Variants in UROC1 observed in about 807,000 individuals in gnomAD.
UROC1 encodes the protein urocanate hydratase 1.
UROC1 carries 79 observed loss-of-function variants against 89.5 expected under a neutral mutation model. The ratio of observed to expected loss-of-function variants is 0.88; its 90% CI spans 0.74 to 1.06. The LOEUF (loss-of-function observed/expected upper bound fraction) is 1.06. Among genes scored for constraint, UROC1 ranks in the 50% least tolerant of loss-of-function variants. UROC1 has a pLI of 0.00. For synonymous variants in UROC1, 361 were observed against 354.8 expected (o/e 1.02, Z -0.20); for missense variants, 885 against 907.8 (o/e 0.97, Z 0.32).
chr3:126,491,209 G>A (rs562202720), intron 16 of UROC1, among the ~76,000 whole-genome samples: 29 of 152,246 alleles, frequency 1.9e-4, no homozygotes, highest in African/African-American at 6.7e-4. Context: ...CCTGACCACC[G>A]CTCTTCGCCA....
chr3:126,492,873 C>T lies in UROC1; in HGVS notation c.1510-357G>A, dbSNP rs578152026. Among the ~76,000 whole-genome samples, 9 of 152,366 alleles carry T rather than the reference C, an allele frequency of 5.9e-5. No individual in the cohort carries two copies. The South Asian group carries it at 1.9e-3, about 32-fold the overall frequency. ...CGAGCACTGCTCCTGCTCCATCCCA[C>T]AGTGATGACATCAACGCCATCCAGG... On this transcript the variant is annotated intron_variant, in intron 15 of 19. Coordinates refer to ENST00000290868, the MANE Select transcript of UROC1 (RefSeq NM_144639.3).
Position 126,498,147 on chromosome 3 carries a change from G to A in UROC1, c.1342C>T (p.Pro448Ser), listed in dbSNP as rs748121358. Residue 448 changes from proline (P) to serine (S), a missense_variant, in exon 14 of 20, where the codon CCT becomes TCT. Physicochemically the swap from Pro to Ser is moderately conservative, Grantham distance 74 (BLOSUM62 -1). Coordinates refer to ENST00000290868, the MANE Select transcript of UROC1 (RefSeq NM_144639.3). ...CCCGATGTGCACACCCAGCGGAAAG[G>A]CCCAAATCCCTGGGAGAATATGTCC... ...MGDIFSQGFG[P>S]FRWVCTSGDP... 4.3e-6 allele frequency: 7 copies of A among 1,614,212 alleles called. No homozygotes were observed. In the South Asian group the frequency reaches 7.7e-5, roughly 18 times the overall value.
rs201264390 is a variant in UROC1, at chr3:126,508,488, C to G, written c.352-13G>C. The G allele has an allele frequency of 6.2e-7, 1 of 1,611,908 alleles. No individual in the cohort carries two copies. The highest frequency in any genetic ancestry group is 1.3e-5 in the African/African-American group (1 of 74,820). On this transcript the variant is annotated splice_polypyrimidine_tract_variant and intron_variant, in intron 3 of 19. Transcript: ENST00000290868. ...GCTCCTGGGGAAACTGAGGAAGACA[C>G]GGGGTCATCTGAGATGAGGGCCTGG...
At chr3:126,509,504 A>T in intron 3 of UROC1, 81 bp downstream of exon 3, 1 of 1,291,754 alleles carries the variant, frequency 7.7e-7, no homozygotes, top group Non-Finnish European at 1.1e-6. Flanking sequence ...TCTCAAAATT[A>T]AGAGCTTAAA....
At chr3:126,492,010 C>T (rs1935664792) in intron 16 of UROC1, among the ~76,000 whole-genome samples, 1 of 152,136 alleles carries the variant, frequency 6.6e-6, no homozygotes, top group Non-Finnish European at 1.5e-5. Flanking sequence ...CAGATTATCC[C>T]CAGAGGGGCC....
At chr3:126,506,441 C>T (rs538162360) in intron 6 of UROC1, among the ~76,000 whole-genome samples, 2 of 152,206 alleles carry the variant, frequency 1.3e-5, no homozygotes, top group African/African-American at 2.4e-5. Flanking sequence ...AAGTGAGTGG[C>T]GGAAACACCA....
intron 4 of UROC1, 39 bp from the exon 5 acceptor site, chr3:126,508,134 A>G: frequency 6.2e-7 from 1 of 1,612,868 alleles, no homozygotes; most frequent in Non-Finnish European, 8.5e-7. Context: ...TGTCAACAGA[A>G]GCAGCACCCC....
chr3:126,506,592 A>G (rs141257253), intron 6 of UROC1, among the ~76,000 whole-genome samples: 2 of 152,306 alleles, frequency 1.3e-5, no homozygotes, highest in East Asian at 3.9e-4. Flanking sequence ...AAATGCAGCA[A>G]TCTCCTAGCT....
intron 14 of UROC1, among the ~76,000 whole-genome samples, chr3:126,496,751 T>G (rs1178168612): frequency 1.3e-5 from 2 of 152,212 alleles, no homozygotes; most frequent in Non-Finnish European, 2.9e-5. Flanking sequence ...CATTAAAATT[T>G]TAAATAAGCT....
chr3:126,492,644 G>A (rs992902208), intron 15 of UROC1, 128 bp from the exon 16 acceptor site: 2 of 636,242 alleles, frequency 3.1e-6, no homozygotes, highest in East Asian at 2.9e-5. Context: ...CGCCTAACAA[G>A]GTCCAGGAGG....
rs754361807 is a variant in UROC1 at position 126,501,262 on chromosome 3, CT to C, written c.920del (p.Lys307ArgfsTer77). On this transcript the variant is annotated frameshift_variant, in exon 10 of 20. Transcript: ENST00000290868. LOFTEE classifies it high-confidence loss of function. ...CATGGTAACCAAGGCTGAGCACCTCCTTTTTTTTCCTTGCTTCCCTGGAAGG... is the reference window on the plus strand; with the variant it reads ...CATGGTAACCAAGGCTGAGCACCTCCTTTTTTTCCTTGCTTCCCTGGAAGG... ...IQRLREARKK[K>X]EVLSLGYHGN... 19 of 1,613,770 alleles carry C rather than the reference CT, an allele frequency of 1.2e-5. No individual in the cohort carries two copies. Among genetic ancestry groups the C allele is most frequent in the Non-Finnish European group, 1.4e-5 (17 of 1,179,818 alleles).
intron 15 of UROC1, among the ~76,000 whole-genome samples, chr3:126,495,289 C>CT (rs1305669322): frequency 1.3e-5 from 2 of 152,164 alleles, no homozygotes; most frequent in Admixed American, 1.3e-4. Flanking sequence ...AAAACCATTG[C>CT]CCCATCCATC....
chr3:126,489,132 C>T, intron 17 of UROC1, 144 bp downstream of exon 17: 2 of 764,564 alleles, frequency 2.6e-6, no homozygotes, highest in Non-Finnish European at 4.5e-6. Flanking sequence ...CATCCCAGAC[C>T]CCCTCAGTCC....
At chr3:126,512,938 G>T (rs1936225843) in intron 1 of UROC1, among the ~76,000 whole-genome samples, 1 of 152,302 alleles carries the variant, frequency 6.6e-6, no homozygotes, top group South Asian at 2.1e-4. Context: ...AACTGCAGGA[G>T]AATAAATATG....
At position 126,489,267 on chromosome 3, in the gene UROC1, C is replaced by G; in HGVS notation, c.1708+9G>C. On this transcript the variant is annotated intron_variant, in intron 17 of 19. Coordinates refer to ENST00000290868, the MANE Select transcript of UROC1 (RefSeq NM_144639.3). Reference sequence around the variant, plus strand: ...AGATGAAAGTTTAAGACATTCTCATCTTCCTCACCTGCACAGAAGGCAGAG... The same window carrying G: ...AGATGAAAGTTTAAGACATTCTCATGTTCCTCACCTGCACAGAAGGCAGAG... 1 of 1,608,480 alleles carries G rather than the reference C, an allele frequency of 6.2e-7. No individual in the cohort carries two copies. Among genetic ancestry groups the G allele is most frequent in the Non-Finnish European group, 8.5e-7 (1 of 1,175,178 alleles).
intron 15 of UROC1, among the ~76,000 whole-genome samples, chr3:126,494,016 C>T (rs1269090938): frequency 6.6e-6 from 1 of 152,196 alleles, no homozygotes; most frequent in African/African-American, 2.4e-5. Context: ...TTTACTCACA[C>T]CAGCTGCCTC....
In UROC1 at chr3:126,509,555, G is replaced by C. The variant is rs7621815; in HGVS notation, c.351+30C>G. On this transcript the variant is annotated intron_variant, in intron 3 of 19. Transcript: ENST00000290868. ...TCTCGTGTTCTGTTTCTGCTGGACA[G>C]TGCTGGGCCTCGGTTTCCCTGGCTA... 18,290 of 1,529,840 alleles carry C rather than the reference G, an allele frequency of 0.012. 1,297 individuals are homozygous for C. In the African/African-American group the frequency reaches 0.18, roughly 15 times the overall value. The allele number at this position is 1,529,840 out of a possible 1,614,324, so 94.8% of individuals were successfully genotyped here. A position where few individuals can be genotyped will look rare whatever the true frequency, so the allele number is the denominator to read the frequency against.
chr3:126,515,190 C>T (rs57837678), intron 1 of UROC1, among the ~76,000 whole-genome samples: 4 of 152,020 alleles, frequency 2.6e-5, no homozygotes, highest in East Asian at 1.9e-4. Context: ...CACAGGGCGC[C>T]GCAGGGGATG....
At chr3:126,489,973 CT>C (rs1935605705) in intron 16 of UROC1, among the ~76,000 whole-genome samples, 1 of 152,124 alleles carries the variant, frequency 6.6e-6, no homozygotes. Flanking sequence ...AGCCTGGCCC[CT>C]GACCTGTGCA....
Sources: allele counts gnomAD v4.1 joint callset (sites outside exome capture counted in the v4.1 genomes callset), GRCh38; gene constraint gnomAD v4.1.1; transcripts MANE v1.5; gene names NCBI Gene and HGNC (gene_info 2026-07-23, HGNC 2026-07-21).